Variants in CD163 observed in about 807,000 individuals in gnomAD.
CD163 encodes the protein CD163 molecule.
A neutral mutation model predicts 129.2 loss-of-function variants in CD163; 64 were observed. That is an observed-to-expected ratio of 0.50 (90% confidence interval 0.41 to 0.61). The LOEUF (loss-of-function observed/expected upper bound fraction) is 0.61. Among genes scored for constraint, CD163 ranks in the 20% least tolerant of loss-of-function variants. The probability of loss-of-function intolerance (pLI) is 0.00; values close to 1 mark genes in which losing one functional copy is unlikely to be tolerated. For synonymous variants in CD163, 446 were observed against 478.5 expected, an observed-to-expected ratio of 0.93 and a Z score of 0.89; for missense variants, 1,061 against 1,377.9, an observed-to-expected ratio of 0.77 and a Z score of 3.64.
At chr12:7,473,275 C>T (rs1428935585) in intron 16 of CD163, 2 of 152,038 alleles carry the variant, frequency 1.3e-5, no homozygotes, top group African/African-American at 4.8e-5. Flanking sequence ...CATAATCATC[C>T]GTTTCTCCAA....
chr12:7,479,751 A>G, intron 16 of CD163, 109 bp downstream of exon 16: 1 of 1,158,202 alleles, frequency 8.6e-7, no homozygotes, highest in Non-Finnish European at 1.2e-6. Context: ...CACATAAGCA[A>G]ATAAAATATG....
chr12:7,503,390 T>C (rs939742280), intron 1 of CD163, among the ~76,000 whole-genome samples: 2 of 152,236 alleles, frequency 1.3e-5, no homozygotes, highest in African/African-American at 4.8e-5. Flanking sequence ...TCATACTCAG[T>C]ACATTTCAGT....
At chr12:7,479,374 C>T (rs780709128) in intron 16 of CD163, among the ~76,000 whole-genome samples, 20 of 151,966 alleles carry the variant, frequency 1.3e-4, no homozygotes, top group Non-Finnish European at 2.9e-4. Flanking sequence ...TTTTTTCTGC[C>T]TCTAGTTTGC....
intron 4 of CD163, 29 bp from the exon 5 acceptor site, chr12:7,497,162 G>C: frequency 6.4e-7 from 1 of 1,571,530 alleles, no homozygotes; most frequent in Non-Finnish European, 8.7e-7. Context: ...ACAGGTCTGC[G>C]ATAAGGAAGC....
At chr12:7,479,170 C>T (rs1270490037) in intron 16 of CD163, among the ~76,000 whole-genome samples, 1 of 152,088 alleles carries the variant, frequency 6.6e-6, no homozygotes, top group Non-Finnish European at 1.5e-5. Flanking sequence ...ATTCTAACCA[C>T]CTCTCTTCTC....
intron 13 of CD163, 42 bp downstream of exon 13, chr12:7,482,924 A>G: frequency 6.2e-7 from 1 of 1,602,754 alleles, no homozygotes; most frequent in Non-Finnish European, 8.5e-7. Flanking sequence ...AATTCTATGT[A>G]TGCAGATAAT....
In CD163 at chr12:7,496,812, C is replaced by T; in HGVS notation, c.1099+1G>A. The T allele has an allele frequency of 6.2e-7, 1 of 1,613,776 alleles. No individual in the cohort carries two copies. The highest frequency in any genetic ancestry group is 8.5e-7 in the Non-Finnish European group (1 of 1,179,784). ...TTGGTTTTGGTTTGGTTTTAACTTA[C>T]CAGAACATGTCACGCCAGCATCTTC... On this transcript the variant is annotated splice_donor_variant, in intron 5 of 16. Coordinates refer to ENST00000432237, the MANE Select transcript of CD163 (RefSeq NM_203416.4). LOFTEE classifies it high-confidence loss of function. This position sits in a 1 kb window ranked among gnomAD's most constrained non-coding sequence, Gnocchi z 4.8.
intron 6 of CD163, among the ~76,000 whole-genome samples, chr12:7,490,175 T>C (rs1949309043): frequency 6.6e-6 from 1 of 151,982 alleles, no homozygotes; most frequent in African/African-American, 2.4e-5. Flanking sequence ...TTTTAGACTA[T>C]GGGGGAGAGA....
chr12:7,485,157 T>G lies in CD163; in HGVS notation c.2718A>C (p.Pro906=), dbSNP rs1591999179. 6.2e-7 allele frequency: 1 copy of G among 1,614,082 alleles called. No homozygotes were observed. The highest frequency in any genetic ancestry group is 8.5e-7 in the Non-Finnish European group (1 of 1,179,940). The stretch of plus-strand genomic sequence containing the variant: ...CCAGTCTCTTCTCCCATGGAGATGA[T>G]GGGCACTGCCACAGCGTGTCAGGTC... The part of the protein sequence containing the change: ...PKGPDTLWQC[P]SSPWEKRLAS... The change falls in exon 11 of 17, where the codon CCA becomes CCC. Residue 906 remains proline, a synonymous_variant. Transcript: ENST00000432237. This position sits in a 1 kb window ranked among gnomAD's most constrained non-coding sequence, Gnocchi z 4.5.
chr12:7,483,673 T>C lies in CD163; in HGVS notation c.2782A>G (p.Lys928Glu), dbSNP rs1470925699. Residue 928 changes from lysine (K) to glutamate (E), a missense_variant and splice_region_variant, in exon 12 of 17, where the codon AAG becomes GAG. Physicochemically the swap from Lys to Glu is moderately conservative, Grantham distance 56 (BLOSUM62 1). Transcript: ENST00000432237. ...GTGGGTCCTTCCTGAAGTCTTATCT[T>C]GTCTGAAAAATCAGAGACATGTAGC... ...SEETWITCDN[K>E]IRLQEGPTSC... 3 of 1,601,776 alleles carry C rather than the reference T, an allele frequency of 1.9e-6. No individual in the cohort carries two copies. The highest frequency in any genetic ancestry group is 2.6e-6 in the Non-Finnish European group (3 of 1,172,452).
In CD163 at chr12:7,483,008, T is replaced by C. The variant is rs752196124; in HGVS notation, c.3089-4A>G. 3 of 1,613,220 alleles carry C rather than the reference T, an allele frequency of 1.9e-6. No individual in the cohort carries two copies. The highest frequency in any genetic ancestry group is 1.3e-5 in the African/African-American group (1 of 74,888). On this transcript the variant is annotated splice_polypyrimidine_tract_variant and splice_region_variant and intron_variant, in intron 12 of 16. Coordinates refer to ENST00000432237, the MANE Select transcript of CD163 (RefSeq NM_203416.4). ...GGGGTTTTCTGCACTGAAATATCTG[T>C]AGGAGAAAAGAAAGAGAGAGGGTTA...
chr12:7,497,103 T>TCTAC lies in CD163; in HGVS notation c.805_808dup (p.Asp270GlyfsTer6). 1 of 1,614,034 alleles carries TCTAC rather than the reference T, an allele frequency of 6.2e-7. No homozygotes were observed. Among genetic ancestry groups the TCTAC allele is most frequent in the Non-Finnish European group, 8.5e-7 (1 of 1,179,972 alleles). On this transcript the variant is annotated frameshift_variant, in exon 5 of 17. Transcript: ENST00000432237. LOFTEE classifies it high-confidence loss of function. ...TCTTCCTGAACATTCAGTGACTCCA[T>TCTAC]CTACCAGTCTCAGGCTCAGATCTGC...
rs763050238 is a variant in CD163, at chr12:7,477,646, G to A, written c.*31+2214C>T. On this transcript the variant is annotated intron_variant, in intron 16 of 16. Transcript: ENST00000432237. ...AATTTAAGCTCCTAATGCATGCAGG[G>A]CTTAAAACCTAGATGGCGGGTTGAT... Among the ~76,000 whole-genome samples, 31 of 152,056 alleles carry A rather than the reference G, an allele frequency of 2.0e-4. No homozygotes were observed. In the South Asian group the frequency reaches 6.5e-3, roughly 32 times the overall value.
At position 7,470,836 on chromosome 12, in the gene CD163, T is replaced by C. The variant is rs1040923879; in HGVS notation, c.*593A>G. The C allele has an allele frequency of 6.6e-6, 1 of 152,210 alleles. No individual in the cohort carries two copies. The highest frequency in any genetic ancestry group is 6.5e-5 in the Admixed American group (1 of 15,272). The allele number at this position is 152,210 out of a possible 1,614,324, so 9.4% of individuals were successfully genotyped here. On this transcript the variant is annotated 3_prime_UTR_variant, in exon 17 of 17. Transcript: ENST00000432237. ...TCTTTGTGCCCTCACCAGGTGTGGC[T>C]CTGCATTTTATTCTAGTGAACAGAA... is the stretch of plus-strand genomic sequence containing the variant.
chr12:7,495,496 A>G (rs997517201), intron 5 of CD163, 95 bp from the exon 6 acceptor site: 1 of 1,004,522 alleles, frequency 1.0e-6, no homozygotes, highest in South Asian at 1.6e-5. Flanking sequence ...ATACTGATGC[A>G]TTGAAAATTA....
At chr12:7,471,635 C>G (rs904241496) in intron 16 of CD163, among the ~76,000 whole-genome samples, 1 of 152,018 alleles carries the variant, frequency 6.6e-6, no homozygotes, top group Non-Finnish European at 1.5e-5. Context: ...TGAATAGGAA[C>G]AGCTCCAGTC....
In CD163 at chr12:7,484,958, A is replaced by C. The variant is rs1949227435; in HGVS notation, c.2779+138T>G. The C allele has an allele frequency of 2.2e-5, 17 of 762,744 alleles. No homozygotes were observed. In the South Asian group the frequency reaches 2.9e-4, roughly 13 times the overall value. 47.2% of individuals were successfully genotyped at this position (762,744 alleles called of 1,614,324 possible). A position where few individuals can be genotyped will look rare whatever the true frequency, so the allele number is the denominator to read the frequency against. ...TCCAGGTAGAATAGATATTACCCAC[A>C]AGTTACCCATTCTTGCTTAATTCAA... On this transcript the variant is annotated intron_variant, in intron 11 of 16. Transcript: ENST00000432237.
intron 3 of CD163, 101 bp downstream of exon 3, chr12:7,501,038 A>G (rs866852230): frequency 2.9e-4 from 277 of 939,016 alleles, no homozygotes; most frequent in Middle Eastern, 2.6e-3. Context: ...CATGAACTAG[A>G]TTGCTTACAG....
chr12:7,478,013 A>T (rs1949111684), intron 16 of CD163, among the ~76,000 whole-genome samples: 1 of 152,198 alleles, frequency 6.6e-6, no homozygotes, highest in Admixed American at 6.5e-5. Flanking sequence ...TAGCCAATAC[A>T]TAAATGGAAT....
Sources: allele counts gnomAD v4.1 joint callset (sites outside exome capture counted in the v4.1 genomes callset), GRCh38; gene constraint gnomAD v4.1.1; non-coding constraint Gnocchi (gnomAD v3.1); transcripts MANE v1.5; gene names NCBI Gene and HGNC (gene_info 2026-07-23, HGNC 2026-07-21).